The following SUGCT variants were observed in gnomAD, a reference collection of about 807,000 sequenced individuals.
The protein encoded by SUGCT is succinyl-CoA:glutarate CoA-transferase.
SUGCT carries 41 observed loss-of-function variants against 55.0 expected under a neutral mutation model. The observed-to-expected ratio is 0.74, with a 90% CI of 0.58 to 0.97. SUGCT has a LOEUF of 0.97. Ranked by LOEUF, SUGCT falls within the 50% of genes least tolerant of loss-of-function variation. The pLI, the probability that SUGCT is intolerant of heterozygous loss-of-function variation, is 0.00. For synonymous variants in SUGCT, 187 were observed against 200.4 expected (o/e 0.93, Z 0.56); for missense variants, 568 against 547.8 (o/e 1.04, Z -0.37).
At chr7:40,593,294 C>G (rs573743265) in intron 12 of SUGCT, among the ~76,000 whole-genome samples, 1 of 152,260 alleles carries the variant, frequency 6.6e-6, no homozygotes, top group Non-Finnish European at 1.5e-5. Context: ...CGTTGCCTCC[C>G]CAAACCCACA....
chr7:40,294,252 G>C (rs1793978611), intron 8 of SUGCT, among the ~76,000 whole-genome samples: 1 of 151,998 alleles, frequency 6.6e-6, no homozygotes, highest in South Asian at 2.1e-4. Context: ...GTCTGGCCTA[G>C]ACAGAACTTT....
intron 6 of SUGCT, among the ~76,000 whole-genome samples, chr7:40,218,381 A>G (rs1045841453): frequency 2.6e-5 from 4 of 152,124 alleles, no homozygotes; most frequent in Admixed American, 1.3e-4. Context: ...AAGTGGGGGG[A>G]AAAGTGTTGT....
At chr7:40,996,073 T>C in the SUGCT span, among the ~76,000 whole-genome samples, 1 of 152,144 alleles carries the variant, frequency 6.6e-6, no homozygotes, top group African/African-American at 2.4e-5. Context: ...AGAAATATCT[T>C]TGGAAAAAAA....
At chr7:40,147,988 T>C (rs893634371) in intron 1 of SUGCT, among the ~76,000 whole-genome samples, 2 of 152,256 alleles carry the variant, frequency 1.3e-5, no homozygotes, top group South Asian at 4.1e-4. Context: ...TTATCCCTGA[T>C]GCACATGGCC....
intron 12 of SUGCT, among the ~76,000 whole-genome samples, chr7:40,668,534 C>A (rs989580993): frequency 6.6e-6 from 1 of 152,150 alleles, no homozygotes; most frequent in Non-Finnish European, 1.5e-5. Flanking sequence ...GTACTTTTCT[C>A]TATTCCTTCT....
chr7:40,603,075 A>G (rs566901983), intron 12 of SUGCT, among the ~76,000 whole-genome samples: 1 of 152,352 alleles, frequency 6.6e-6, no homozygotes, highest in African/African-American at 2.4e-5. Context: ...GATGAATTAA[A>G]TATATTCTTC....
At chr7:40,142,493 T>TA (rs1204771193) in intron 1 of SUGCT, among the ~76,000 whole-genome samples, 2 of 152,208 alleles carry the variant, frequency 1.3e-5, no homozygotes, top group African/African-American at 4.8e-5. Context: ...GTGCTGTTTT[T>TA]ATGAGCCTCT....
At chr7:40,226,449 C>T (rs1788358035) in intron 6 of SUGCT, among the ~76,000 whole-genome samples, 1 of 152,114 alleles carries the variant, frequency 6.6e-6, no homozygotes, top group South Asian at 2.1e-4. Context: ...TCATTTAGTT[C>T]TCACAAGGGT....
chr7:40,444,156 T>G (rs1035994905), intron 9 of SUGCT, among the ~76,000 whole-genome samples: 2 of 152,218 alleles, frequency 1.3e-5, no homozygotes, highest in Non-Finnish European at 2.9e-5. Flanking sequence ...TCAGGTAGCG[T>G]GATGCCTCCA....
At chr7:40,844,124 G>A (rs1335523506) in intron 13 of SUGCT, among the ~76,000 whole-genome samples, 1 of 152,160 alleles carries the variant, frequency 6.6e-6, no homozygotes, top group Non-Finnish European at 1.5e-5. Context: ...ATGTTACAAT[G>A]CTTTTTTAGC....
chr7:40,255,263 G>T, intron 7 of SUGCT, among the ~76,000 whole-genome samples: 1 of 150,044 alleles, frequency 6.7e-6, no homozygotes. Flanking sequence ...GAAAGGATAT[G>T]TCTTCAGTTT....
intron 12 of SUGCT, among the ~76,000 whole-genome samples, chr7:40,574,722 G>A (rs1487040848): frequency 1.3e-5 from 2 of 152,134 alleles, no homozygotes; most frequent in African/African-American, 4.8e-5. Context: ...GTGAGCCACC[G>A]TGCCCGGCTG....
chr7:40,494,247 GCTAA>G (rs569587126), intron 11 of SUGCT, among the ~76,000 whole-genome samples: 3 of 152,216 alleles, frequency 2.0e-5, no homozygotes, highest in South Asian at 4.1e-4. Context: ...AATTTATCAG[GCTAA>G]CTGTTTTAAC....
At chr7:40,309,307 T>TG (rs373055915) in intron 8 of SUGCT, among the ~76,000 whole-genome samples, 15 of 151,756 alleles carry the variant, frequency 9.9e-5, no homozygotes, top group Non-Finnish European at 1.8e-4. Flanking sequence ...AGTGTTTTTT[T>TG]TTTGTTTGTT....
intron 1 of SUGCT, among the ~76,000 whole-genome samples, chr7:40,145,830 C>G (rs1788216278): frequency 6.6e-6 from 1 of 152,176 alleles, no homozygotes; most frequent in Admixed American, 6.5e-5. Context: ...GGCAATTTTC[C>G]TAACTCGCTT....
chr7:40,375,191 T>A (rs986696507), intron 9 of SUGCT, among the ~76,000 whole-genome samples: 3 of 152,210 alleles, frequency 2.0e-5, no homozygotes, highest in Non-Finnish European at 4.4e-5. Flanking sequence ...AGTGTTGCTG[T>A]GAATACTGGC....
At chr7:40,626,004 TG>T (rs1452395552) in intron 12 of SUGCT, among the ~76,000 whole-genome samples, 3 of 152,226 alleles carry the variant, frequency 2.0e-5, no homozygotes, top group Non-Finnish European at 1.5e-5. Context: ...TTTTAACTAA[TG>T]GTAAAAGTTA....
the SUGCT span, among the ~76,000 whole-genome samples, chr7:40,942,354 A>T: frequency 6.6e-6 from 1 of 152,122 alleles, no homozygotes; most frequent in Middle Eastern, 3.2e-3. Context: ...TTATTGGCTG[A>T]TAGTTATTCC....
chr7:40,870,738 TTA>T, the SUGCT span, among the ~76,000 whole-genome samples: 1 of 152,254 alleles, frequency 6.6e-6, no homozygotes, highest in Non-Finnish European at 1.5e-5. Flanking sequence ...TTTAGATTTA[TTA>T]ACTGTAATTC....
Sources: allele counts gnomAD v4.1 joint callset (sites outside exome capture counted in the v4.1 genomes callset), GRCh38; gene constraint gnomAD v4.1.1; transcripts MANE v1.5; gene names NCBI Gene and HGNC (gene_info 2026-07-23, HGNC 2026-07-21).